Variants in MAGI2 observed in about 807,000 individuals in gnomAD.
MAGI2 encodes the protein membrane-associated guanylate kinase, WW and PDZ domain-containing protein 2.
MAGI2 carries 35 observed loss-of-function variants against 133.3 expected under a neutral mutation model. The observed-to-expected ratio is 0.26, with a 90% CI of 0.20 to 0.35. MAGI2 has a LOEUF of 0.35. MAGI2 is among the 10% of genes least tolerant of loss of function. The pLI, the probability that MAGI2 is intolerant of heterozygous loss-of-function variation, is 1.00. For missense variants in MAGI2, 1,636 were observed against 1,863.4 expected (o/e 0.88, Z 2.25); for synonymous variants, 729 against 710.6 (o/e 1.03, Z -0.41).
intron 1 of MAGI2, among the ~76,000 whole-genome samples, chr7:79,350,657 G>A (rs866984642): frequency 6.6e-6 from 1 of 152,062 alleles, no homozygotes; most frequent in Non-Finnish European, 1.5e-5. Context: ...TATTTAAGAA[G>A]ATGGGCTGAA....
At chr7:78,423,717 G>A (rs950483041) in intron 6 of MAGI2, among the ~76,000 whole-genome samples, 1 of 152,174 alleles carries the variant, frequency 6.6e-6, no homozygotes, top group African/African-American at 2.4e-5. Context: ...GAACTGGAGA[G>A]TAAAGATGAC....
At chr7:78,384,780 G>A (rs2151299984) in intron 6 of MAGI2, among the ~76,000 whole-genome samples, 1 of 152,148 alleles carries the variant, frequency 6.6e-6, no homozygotes, top group African/African-American at 2.4e-5. Context: ...ATTCTACTTG[G>A]GAATATGCCT....
chr7:78,213,937 C>G (rs1424114037), intron 10 of MAGI2, among the ~76,000 whole-genome samples: 1 of 152,142 alleles, frequency 6.6e-6, no homozygotes, highest in East Asian at 1.9e-4. Flanking sequence ...TAGGTTTGGT[C>G]TCCTATTTGA....
intron 10 of MAGI2, among the ~76,000 whole-genome samples, chr7:78,247,894 C>T (rs1791971823): frequency 6.6e-6 from 1 of 152,094 alleles, no homozygotes; most frequent in Non-Finnish European, 1.5e-5. Context: ...GGACAGAAAG[C>T]TTATCTGTAA....
chr7:78,846,994 T>A (rs908080229), intron 2 of MAGI2, among the ~76,000 whole-genome samples: 2 of 151,988 alleles, frequency 1.3e-5, no homozygotes, highest in Admixed American at 1.3e-4. Flanking sequence ...TCTTAATGAT[T>A]CTCACTTTAG....
At chr7:78,383,816 C>T (rs1296538967) in intron 6 of MAGI2, among the ~76,000 whole-genome samples, 2 of 151,802 alleles carry the variant, frequency 1.3e-5, no homozygotes, top group South Asian at 2.1e-4. Flanking sequence ...CTTCTGCACA[C>T]GACAATTTTC....
chr7:79,005,845 T>C (rs1432060972), intron 2 of MAGI2, among the ~76,000 whole-genome samples: 1 of 152,178 alleles, frequency 6.6e-6, no homozygotes, highest in African/African-American at 2.4e-5. Context: ...TTTTCTCAAC[T>C]TCCAGAGTTA....
intron 1 of MAGI2, among the ~76,000 whole-genome samples, chr7:79,305,063 A>C (rs1249257031): frequency 3.3e-5 from 5 of 152,200 alleles, no homozygotes; most frequent in Admixed American, 3.3e-4. Context: ...ACAGATGAGG[A>C]AATGTCAACA....
intron 6 of MAGI2, among the ~76,000 whole-genome samples, chr7:78,406,173 T>G (rs142477441): frequency 1.2e-3 from 181 of 152,082 alleles, no homozygotes; most frequent in Non-Finnish European, 2.2e-3. Context: ...AGAAAAAAAT[T>G]GAGACCCTCC....
chr7:78,081,016 A>C (rs1815907241), intron 20 of MAGI2, among the ~76,000 whole-genome samples: 1 of 152,118 alleles, frequency 6.6e-6, no homozygotes, highest in Admixed American at 6.5e-5. Flanking sequence ...AAGCTTGCCA[A>C]ATGTGTCATG....
chr7:79,189,268 A>G (rs994326369), intron 1 of MAGI2, among the ~76,000 whole-genome samples: 6 of 148,278 alleles, frequency 4.0e-5, no homozygotes, highest in Non-Finnish European at 5.9e-5. Flanking sequence ...AACCAAGACA[A>G]TCCTAGGAGC....
intron 2 of MAGI2, among the ~76,000 whole-genome samples, chr7:78,675,751 T>C (rs1306669963): frequency 6.6e-6 from 1 of 152,086 alleles, no homozygotes; most frequent in Non-Finnish European, 1.5e-5. Flanking sequence ...ATGACCTCAG[T>C]AGGTTGTAAA....
intron 10 of MAGI2, among the ~76,000 whole-genome samples, chr7:78,247,532 TAGAC>T (rs953650499): frequency 8.6e-5 from 13 of 151,838 alleles, no homozygotes; most frequent in African/African-American, 2.9e-4. Context: ...AGAATACAGA[TAGAC>T]AGTTGAAAAA....
At position 78,179,704 on chromosome 7, in the gene MAGI2, T is replaced by C. The variant is rs541162422; in HGVS notation, c.2312-1602A>G. The stretch of plus-strand genomic sequence containing the variant: ...AAACTCTGCAAGAAGAATAACCAGT[T>C]AGACCTCCACATCCTTTAGAAATTA... On this transcript the variant is annotated intron_variant, in intron 13 of 21. Transcript: ENST00000354212. Among the ~76,000 whole-genome samples the C allele has an allele frequency of 2.0e-5, 3 of 152,344 alleles. No homozygotes were observed. The South Asian group carries it at 6.2e-4, about 32-fold the overall frequency.
At chr7:79,212,945 G>T (rs1372193085) in intron 1 of MAGI2, among the ~76,000 whole-genome samples, 2 of 151,944 alleles carry the variant, frequency 1.3e-5, no homozygotes, top group Admixed American at 6.6e-5. Context: ...TGGATGGGAT[G>T]CTTCCTTAAC....
At chr7:78,974,149 G>A (rs1004664947) in intron 2 of MAGI2, among the ~76,000 whole-genome samples, 3 of 151,190 alleles carry the variant, frequency 2.0e-5, no homozygotes, top group African/African-American at 7.3e-5. Context: ...TTAATTACAG[G>A]TTCAATAAAA....
intron 9 of MAGI2, among the ~76,000 whole-genome samples, chr7:78,285,328 T>G (rs79735210): frequency 0.02 from 2,978 of 152,088 alleles, 103 homozygotes; most frequent in African/African-American, 0.068. Context: ...CATAATTATG[T>G]TGAATTATTT....
At chr7:78,758,264 G>GTT (rs149892642) in intron 2 of MAGI2, among the ~76,000 whole-genome samples, 2 of 150,810 alleles carry the variant, frequency 1.3e-5, no homozygotes, top group African/African-American at 2.4e-5. Context: ...ACAAGACAGG[G>GTT]TTTTTTTTTC....
At chr7:78,353,162 A>G (rs924137012) in intron 7 of MAGI2, among the ~76,000 whole-genome samples, 1 of 152,248 alleles carries the variant, frequency 6.6e-6, no homozygotes, top group East Asian at 1.9e-4. Flanking sequence ...GTAGTGAATT[A>G]TAAGTTCATA....
Sources: gnomAD v4.1 joint callset for allele counts (sites outside exome capture counted in the v4.1 genomes callset) on GRCh38, gnomAD v4.1.1 for gene constraint, MANE v1.5 for transcripts, NCBI Gene and HGNC (gene_info 2026-07-23, HGNC 2026-07-21) for gene names.